FAF1: variants seen among roughly 807,000 people sequenced by gnomAD.
FAF1 encodes the protein FAS-associated factor 1.
Under a neutral mutation model 92.5 loss-of-function variants are expected in FAF1, and 25 were observed. The ratio of observed to expected loss-of-function variants is 0.27; its 90% confidence interval spans 0.20 to 0.38. FAF1 has a LOEUF of 0.38. Among genes scored for constraint, FAF1 ranks in the 10% least tolerant of loss-of-function variants. The pLI, the probability that FAF1 is intolerant of heterozygous loss-of-function variation, is 1.00. For synonymous variants in FAF1, 234 were observed against 273.2 expected (o/e 0.86, Z 1.42); for missense variants, 636 against 793.3 (o/e 0.80, Z 2.38).
chr1:50,458,980 T>G (rs1157926605), intron 18 of FAF1, among the ~76,000 whole-genome samples: 1 of 151,586 alleles, frequency 6.6e-6, no homozygotes, highest in South Asian at 2.1e-4. Flanking sequence ...TTTTTTTCTT[T>G]TTTTTTTTTG....
chr1:50,801,573 C>T (rs1003139223), intron 3 of FAF1, 58 bp downstream of exon 3: 36 of 925,192 alleles, frequency 3.9e-5, no homozygotes, highest in Non-Finnish European at 6.0e-5. Flanking sequence ...AAATTAACAG[C>T]TAGCTCTGTT....
chr1:50,717,342 A>C (rs1658218849), intron 6 of FAF1, among the ~76,000 whole-genome samples: 1 of 152,184 alleles, frequency 6.6e-6, no homozygotes, highest in Non-Finnish European at 1.5e-5. Context: ...TGTTCTTATA[A>C]GAAGAGAAAG....
rs76736434 is a variant in FAF1, at chr1:50,491,795, G to A, written c.1501C>T (p.Arg501Cys). ...QQEDIKDEDE[R>C]EARENVKREQ... ...CTCTTCACATTTTCTCTGGCTTCAC[G>A]TTCATCCTTAAAGAAAAAGATTCAA... Residue 501 changes from arginine (R) to cysteine (C), a missense_variant, in exon 16 of 19, where the codon CGT becomes TGT. Transcript: ENST00000396153. 5.0e-6 allele frequency: 8 copies of A among 1,606,966 alleles called. No homozygotes were observed. The highest frequency in any genetic ancestry group is 3.4e-6 in the Non-Finnish European group (4 of 1,177,266).
At chr1:50,927,309 G>T (rs922245553) in intron 1 of FAF1, among the ~76,000 whole-genome samples, 1 of 152,100 alleles carries the variant, frequency 6.6e-6, no homozygotes, top group Non-Finnish European at 1.5e-5. Flanking sequence ...GACCAAGCGT[G>T]GTGGCTCACA....
chr1:50,661,284 T>C (rs1412219825), intron 7 of FAF1, among the ~76,000 whole-genome samples: 1 of 152,226 alleles, frequency 6.6e-6, no homozygotes, highest in Non-Finnish European at 1.5e-5. Context: ...AAAGTGGTTA[T>C]ATGATTTTGC....
Position 50,588,160 on chromosome 1 carries a change from G to A in FAF1, c.841-3349C>T, listed in dbSNP as rs994704552. On this transcript the variant is annotated intron_variant, in intron 9 of 18. Transcript: ENST00000396153. ...AAATTAGCCTGGTGCGGTGGCAGAC[G>A]CCTGTAATCCCAGCTACCTGGAAGG... 1.3e-4 allele frequency among the ~76,000 whole-genome samples: 20 copies of A among 152,230 alleles called. No individual in the cohort carries two copies. In the East Asian group the frequency reaches 2.1e-3, roughly 16 times the overall value.
At chr1:50,509,454 A>G (rs1187559779) in intron 15 of FAF1, among the ~76,000 whole-genome samples, 1 of 152,020 alleles carries the variant, frequency 6.6e-6, no homozygotes, top group African/African-American at 2.4e-5. Flanking sequence ...TCTACAAAAA[A>G]TTTAAAAATT....
intron 6 of FAF1, among the ~76,000 whole-genome samples, chr1:50,712,929 A>G (rs1208564941): frequency 6.6e-6 from 1 of 152,006 alleles, no homozygotes; most frequent in African/African-American, 2.4e-5. Context: ...TGGGAGGCCA[A>G]GGTGGGTGGG....
At chr1:50,917,673 GGAAAGGAAAGGAAAGGAA>G (rs1644929849) in intron 1 of FAF1, among the ~76,000 whole-genome samples, 1 of 143,802 alleles carries the variant, frequency 7.0e-6, no homozygotes, top group Admixed American at 7.1e-5. Context: ...GGAAAGGAAA[GGAAAGGAAAGGAAAGGAA>G]AGGAAAGGAA....
At chr1:50,637,681 A>ATATATG (rs1553123409) in intron 8 of FAF1, among the ~76,000 whole-genome samples, 31 of 137,156 alleles carry the variant, frequency 2.3e-4, no homozygotes, top group Admixed American at 8.9e-4. Flanking sequence ...ACATATATAT[A>ATATATG]TGTGTGTGTG....
intron 18 of FAF1, among the ~76,000 whole-genome samples, chr1:50,472,270 G>A (rs1357748816): frequency 6.6e-6 from 1 of 151,996 alleles, no homozygotes; most frequent in Non-Finnish European, 1.5e-5. Context: ...ATGGGCCACT[G>A]ATGTACATAC....
intron 7 of FAF1, among the ~76,000 whole-genome samples, chr1:50,670,998 A>G (rs547783430): frequency 6.6e-6 from 1 of 152,190 alleles, no homozygotes; most frequent in Non-Finnish European, 1.5e-5. Context: ...TTCAAAATTG[A>G]AGGGAGATAG....
chr1:50,913,388 G>C (rs1235294248), intron 1 of FAF1, among the ~76,000 whole-genome samples: 3 of 152,172 alleles, frequency 2.0e-5, no homozygotes, highest in Non-Finnish European at 4.4e-5. Flanking sequence ...CAAGCTTAAA[G>C]AGATCAAGTG....
At chr1:50,522,045 G>A (rs1282730912) in intron 15 of FAF1, among the ~76,000 whole-genome samples, 3 of 152,154 alleles carry the variant, frequency 2.0e-5, no homozygotes, top group East Asian at 1.9e-4. Context: ...AAACAGGGAC[G>A]GTATGGATAT....
intron 5 of FAF1, among the ~76,000 whole-genome samples, chr1:50,739,547 G>A (rs577567348): frequency 6.6e-6 from 1 of 152,214 alleles, no homozygotes; most frequent in South Asian, 2.1e-4. Flanking sequence ...GAACACAGTT[G>A]GGACTCAATT....
chr1:50,800,081 C>A (rs370615738), intron 3 of FAF1, among the ~76,000 whole-genome samples: 5 of 152,182 alleles, frequency 3.3e-5, no homozygotes, highest in Non-Finnish European at 7.3e-5. Context: ...AAATCCTACT[C>A]TGATCACAGT....
chr1:50,857,692 C>T (rs1388453679), intron 2 of FAF1, among the ~76,000 whole-genome samples: 1 of 151,692 alleles, frequency 6.6e-6, no homozygotes, highest in Non-Finnish European at 1.5e-5. Context: ...AACCATAACA[C>T]ACAGTAAAAT....
chr1:50,444,265 C>G (rs1342771328), intron 18 of FAF1, among the ~76,000 whole-genome samples: 1 of 152,110 alleles, frequency 6.6e-6, no homozygotes, highest in African/African-American at 2.4e-5. Context: ...ATGGAGCATG[C>G]CAGGAGGGAC....
intron 1 of FAF1, among the ~76,000 whole-genome samples, chr1:50,866,925 C>T (rs1196390321): frequency 6.6e-6 from 1 of 151,982 alleles, no homozygotes; most frequent in East Asian, 1.9e-4. Context: ...ATAACATTAC[C>T]CAACTTCAAA....
Sources: allele counts gnomAD v4.1 joint callset (sites outside exome capture counted in the v4.1 genomes callset), GRCh38; gene constraint gnomAD v4.1.1; transcripts MANE v1.5; gene names NCBI Gene and HGNC (gene_info 2026-07-23, HGNC 2026-07-21).